VAPA: variants seen among roughly 807,000 people sequenced by gnomAD.
VAPA encodes the protein VAMP associated protein A.
VAPA carries 6 observed loss-of-function variants against 25.6 expected under a neutral mutation model. That is an observed-to-expected ratio of 0.23 (90% CI 0.13 to 0.46). VAPA has a LOEUF of 0.46. Ranked by LOEUF, VAPA falls within the 20% of genes least tolerant of loss-of-function variation. The probability of loss-of-function intolerance (pLI) is 0.99; values close to 1 mark genes in which losing one functional copy is unlikely to be tolerated. For synonymous variants in VAPA, 112 were observed against 106.2 expected, an observed-to-expected ratio of 1.05 and a Z score of -0.34; for missense variants, 244 against 302.1, an observed-to-expected ratio of 0.81 and a Z score of 1.43.
At chr18:9,943,109 T>C (rs768838666) in intron 4 of VAPA, among the ~76,000 whole-genome samples, 7 of 152,222 alleles carry the variant, frequency 4.6e-5, no homozygotes, top group Non-Finnish European at 8.8e-5. Flanking sequence ...AGTAAGGAAA[T>C]GATTGAAGGT....
chr18:9,951,370 CG>C (rs1276529130), intron 5 of VAPA: 4 of 152,280 alleles, frequency 2.6e-5, no homozygotes, highest in Non-Finnish European at 4.4e-5. Context: ...AGAAAAAAAT[CG>C]ATTTGTCATG....
At chr18:9,931,731 A>G in intron 1 of VAPA, 79 bp from the exon 2 acceptor site, 1 of 1,241,374 alleles carries the variant, frequency 8.1e-7, no homozygotes, top group Non-Finnish European at 1.1e-6. Flanking sequence ...AATTGAGGTT[A>G]TATATTTTCA....
In VAPA at chr18:9,957,514, A is replaced by G. The variant is rs2069563503; in HGVS notation, c.*3303A>G. On this transcript the variant is annotated 3_prime_UTR_variant, in exon 6 of 6. Transcript: ENST00000400000. Reference sequence around the variant, plus strand: ...CTACCACTTTAGAGACATTCAAGTAATAGTTTTCTTAGAGCTTTGCACATT... The same window carrying G: ...CTACCACTTTAGAGACATTCAAGTAGTAGTTTTCTTAGAGCTTTGCACATT... The G allele has an allele frequency of 6.6e-6, 1 of 152,164 alleles. No homozygotes were observed. Among genetic ancestry groups the G allele is most frequent in the Non-Finnish European group, 1.5e-5 (1 of 68,024 alleles). 9.4% of individuals were successfully genotyped at this position (152,164 alleles called of 1,614,324 possible). A position where few individuals can be genotyped will look rare whatever the true frequency, so the allele number is the denominator to read the frequency against.
chr18:9,928,382 G>T (rs1178031071), intron 1 of VAPA, among the ~76,000 whole-genome samples: 1 of 152,016 alleles, frequency 6.6e-6, no homozygotes, highest in Non-Finnish European at 1.5e-5. Context: ...TCACCTCCAG[G>T]GTTAGAAATA....
In VAPA at chr18:9,934,968, G is replaced by A. The variant is rs182281828; in HGVS notation, c.233-1142G>A. On this transcript the variant is annotated intron_variant, in intron 2 of 5. Transcript: ENST00000400000. ...AAATTAGCCGGGCATGGTGGCAGGC[G>A]CCTGTAGTCCCAGCTACTCGGGAGG... is the stretch of plus-strand genomic sequence containing the variant. Among the ~76,000 whole-genome samples the A allele has an allele frequency of 4.6e-3, 704 of 151,938 alleles. 3 individuals carry two copies. Among genetic ancestry groups the A allele is most frequent in the African/African-American group, 0.016 (656 of 41,448 alleles).
chr18:9,926,045 T>G (rs1449712080), intron 1 of VAPA, among the ~76,000 whole-genome samples: 1 of 152,164 alleles, frequency 6.6e-6, no homozygotes, highest in Non-Finnish European at 1.5e-5. Flanking sequence ...TTGAATCATT[T>G]GTAAACTTGG....
At chr18:9,921,643 T>C (rs1280070054) in intron 1 of VAPA, among the ~76,000 whole-genome samples, 2 of 152,162 alleles carry the variant, frequency 1.3e-5, no homozygotes, top group Non-Finnish European at 2.9e-5. Context: ...TACTGACCAT[T>C]TAGTGAAATC....
intron 4 of VAPA, among the ~76,000 whole-genome samples, chr18:9,947,146 T>A (rs1343524562): frequency 1.3e-5 from 2 of 152,176 alleles, no homozygotes; most frequent in Admixed American, 1.3e-4. Flanking sequence ...AAGGACCTGC[T>A]GGAGTCTGAC....
intron 2 of VAPA, 149 bp downstream of exon 2, chr18:9,932,111 G>C (rs1301733085): frequency 1.7e-6 from 1 of 573,662 alleles, no homozygotes; most frequent in Non-Finnish European, 2.9e-6. Context: ...ACAGTACTCT[G>C]CAAGCTGTTT....
At chr18:9,929,674 A>G (rs29202) in intron 1 of VAPA, among the ~76,000 whole-genome samples, 11,639 of 152,144 alleles carry the variant, frequency 0.076, 511 homozygotes, top group African/African-American at 0.1. Context: ...TTCCTTTGCT[A>G]ATGGTCATCA....
In VAPA at chr18:9,914,299, C is replaced by T. The variant is rs779131406; in HGVS notation, c.43C>T (p.Leu15=). The T allele has an allele frequency of 1.9e-6, 3 of 1,591,080 alleles. No homozygotes were observed. The highest frequency in any genetic ancestry group is 1.7e-4 in the Middle Eastern group (1 of 6,000). ...SGAMAKHEQI[L]VLDPPTDLKF... is the part of the protein sequence containing the mutation. ...GGCCATGGCGAAGCACGAGCAGATC[C>T]TGGTCCTCGATCCGCCCACAGACCT... Residue 15 remains leucine, a synonymous_variant, in exon 1 of 6, where the codon CTG becomes TTG. Coordinates refer to ENST00000400000, the MANE Select transcript of VAPA (RefSeq NM_194434.3).
chr18:9,927,165 G>C (rs1466587948), intron 1 of VAPA, among the ~76,000 whole-genome samples: 1 of 152,136 alleles, frequency 6.6e-6, no homozygotes, highest in Non-Finnish European at 1.5e-5. Context: ...CTTCAGCTTA[G>C]TTTGATGTGC....
At chr18:9,934,269 TTA>T (rs1300677894) in intron 2 of VAPA, among the ~76,000 whole-genome samples, 7 of 152,234 alleles carry the variant, frequency 4.6e-5, no homozygotes, top group East Asian at 1.9e-4. Flanking sequence ...GTGCACATTT[TTA>T]TATATGTTTT....
At chr18:9,926,232 A>T (rs948793522) in intron 1 of VAPA, among the ~76,000 whole-genome samples, 1 of 152,186 alleles carries the variant, frequency 6.6e-6, no homozygotes, top group Admixed American at 6.5e-5. Context: ...CCTTAACATG[A>T]TGCCACAGAT....
chr18:9,954,897 G>A lies in VAPA; in HGVS notation c.*686G>A, dbSNP rs968627806. ...TGGTCACTTGAAATTATGATGCAAAGGTTTCTCTTGCATTGAAACCCTCTT... is the reference window on the plus strand; with the variant it reads ...TGGTCACTTGAAATTATGATGCAAAAGTTTCTCTTGCATTGAAACCCTCTT... On this transcript the variant is annotated 3_prime_UTR_variant, in exon 6 of 6. Transcript: ENST00000400000. 6.6e-6 allele frequency: 1 copy of A among 152,506 alleles called. No individual in the cohort carries two copies. The highest frequency in any genetic ancestry group is 2.4e-5 in the African/African-American group (1 of 41,420). 9.4% of individuals were successfully genotyped at this position (152,506 alleles called of 1,614,324 possible).
intron 4 of VAPA, among the ~76,000 whole-genome samples, chr18:9,945,888 C>T (rs753462747): frequency 6.6e-6 from 1 of 152,098 alleles, no homozygotes; most frequent in African/African-American, 2.4e-5. Context: ...TCTCTTAATT[C>T]ATAGGTTAAG....
intron 2 of VAPA, among the ~76,000 whole-genome samples, chr18:9,933,055 G>A (rs529567307): frequency 1.9e-4 from 29 of 151,516 alleles, no homozygotes; most frequent in African/African-American, 2.9e-4. Flanking sequence ...TGCAGTGAGC[G>A]GAGACTGCAC....
At chr18:9,924,165 A>G (rs1280132602) in intron 1 of VAPA, 1 of 152,142 alleles carries the variant, frequency 6.6e-6, no homozygotes. Flanking sequence ...TTCCCCTAGC[A>G]AAAACTTTAG....
chr18:9,947,106 T>C (rs530309154), intron 4 of VAPA, among the ~76,000 whole-genome samples: 1 of 152,322 alleles, frequency 6.6e-6, no homozygotes, highest in African/African-American at 2.4e-5. Context: ...ACATCTCCTA[T>C]GTTAACAGTG....
Sources: allele counts gnomAD v4.1 joint callset (sites outside exome capture counted in the v4.1 genomes callset), GRCh38; gene constraint gnomAD v4.1.1; transcripts MANE v1.5; gene names NCBI Gene and HGNC (gene_info 2026-07-23, HGNC 2026-07-21).